Variants in PTPRG observed in about 807,000 individuals in gnomAD.
The protein encoded by PTPRG is protein tyrosine phosphatase receptor type G.
In PTPRG, 102 loss-of-function variants were observed where a neutral mutation model predicts 165.3. That is an observed-to-expected ratio of 0.62 (90% CI 0.53 to 0.73). PTPRG has a LOEUF of 0.73. Among genes scored for constraint, PTPRG ranks in the 30% least tolerant of loss-of-function variants. The pLI, the probability that PTPRG is intolerant of heterozygous loss-of-function variation, is 0.00. For missense variants in PTPRG, 1,866 were observed against 1,861.4 expected (o/e 1.00, Z -0.05); for synonymous variants, 675 against 669.5 (o/e 1.01, Z -0.13).
chr3:61,597,330 A>T (rs938239428), intron 1 of PTPRG, among the ~76,000 whole-genome samples: 4 of 152,122 alleles, frequency 2.6e-5, no homozygotes, highest in African/African-American at 9.7e-5. Context: ...CTCCCTGTGG[A>T]TACCAAAATT....
chr3:61,884,667 A>G (rs2037979030), intron 2 of PTPRG, among the ~76,000 whole-genome samples: 1 of 152,228 alleles, frequency 6.6e-6, no homozygotes, highest in African/African-American at 2.4e-5. Context: ...AAGGTGAAGA[A>G]TGTCCACATA....
chr3:62,159,199 A>G (rs1182123844), intron 7 of PTPRG, among the ~76,000 whole-genome samples: 1 of 151,998 alleles, frequency 6.6e-6, no homozygotes, highest in Non-Finnish European at 1.5e-5. Context: ...GCGTGGTGGC[A>G]CATGTCTGTT....
chr3:61,667,022 A>T (rs1046984417), intron 1 of PTPRG, among the ~76,000 whole-genome samples: 1 of 152,228 alleles, frequency 6.6e-6, no homozygotes, highest in Non-Finnish European at 1.5e-5. Flanking sequence ...ATTTGAATTA[A>T]TAATTTAAAA....
At chr3:61,837,383 T>C (rs13098587) in intron 2 of PTPRG, among the ~76,000 whole-genome samples, 34,823 of 152,084 alleles carry the variant, frequency 0.23, 4,088 homozygotes, top group East Asian at 0.34. Flanking sequence ...ATCTTGACCT[T>C]TTGACAGTTA....
intron 5 of PTPRG, among the ~76,000 whole-genome samples, chr3:62,113,579 A>G (rs964253833): frequency 1.3e-5 from 2 of 152,216 alleles, no homozygotes; most frequent in Non-Finnish European, 1.5e-5. Flanking sequence ...CGAAATGCAG[A>G]TCACTTTTTC....
chr3:61,823,637 T>C (rs561677255), intron 2 of PTPRG, among the ~76,000 whole-genome samples: 1 of 152,334 alleles, frequency 6.6e-6, no homozygotes, highest in Admixed American at 6.5e-5. Context: ...AAGATTATTA[T>C]GGTAATTTAT....
chr3:61,788,046 A>G (rs2034762045), intron 2 of PTPRG, among the ~76,000 whole-genome samples: 1 of 152,158 alleles, frequency 6.6e-6, no homozygotes, highest in East Asian at 1.9e-4. Flanking sequence ...AGTAGCTCCC[A>G]GTTAGAGAGG....
At chr3:61,567,043 A>G (rs1176360803) in intron 1 of PTPRG, among the ~76,000 whole-genome samples, 2 of 152,196 alleles carry the variant, frequency 1.3e-5, no homozygotes, top group East Asian at 1.9e-4. Flanking sequence ...AGTTCCCTCT[A>G]AAGCACTTGG....
intron 6 of PTPRG, among the ~76,000 whole-genome samples, chr3:62,138,554 A>G (rs147688400): frequency 0.012 from 1,765 of 152,142 alleles, 14 homozygotes; most frequent in Middle Eastern, 0.034. Context: ...CTCCATCTCT[A>G]CTAAAAATAC....
intron 1 of PTPRG, among the ~76,000 whole-genome samples, chr3:61,586,669 CAT>C (rs1249427720): frequency 2.6e-5 from 4 of 152,114 alleles, no homozygotes; most frequent in African/African-American, 7.2e-5. Context: ...AAACTGGAAA[CAT>C]AGGGATGGGA....
chr3:62,084,382 T>C (rs1701678178), intron 5 of PTPRG, among the ~76,000 whole-genome samples: 1 of 152,250 alleles, frequency 6.6e-6, no homozygotes, highest in South Asian at 2.1e-4. Context: ...CATTTTTATT[T>C]AAATTCTACC....
chr3:61,990,329 G>A (rs554808212), intron 3 of PTPRG, among the ~76,000 whole-genome samples: 2 of 152,220 alleles, frequency 1.3e-5, no homozygotes, highest in South Asian at 4.1e-4. Context: ...TATGCAAATG[G>A]AAACAGAATT....
chr3:62,065,099 A>T (rs1700967506), intron 4 of PTPRG, among the ~76,000 whole-genome samples: 1 of 152,114 alleles, frequency 6.6e-6, no homozygotes. Flanking sequence ...AGGATCCATA[A>T]ATCCAGTGTT....
intron 17 of PTPRG, among the ~76,000 whole-genome samples, chr3:62,264,831 A>G (rs922800716): frequency 6.6e-6 from 1 of 152,112 alleles, no homozygotes; most frequent in Admixed American, 6.6e-5. Flanking sequence ...GCTAGATTAT[A>G]TGGTAATTCT....
intron 1 of PTPRG, among the ~76,000 whole-genome samples, chr3:61,729,142 C>T (rs1234988959): frequency 6.6e-6 from 1 of 152,070 alleles, no homozygotes; most frequent in Non-Finnish European, 1.5e-5. Flanking sequence ...GAATTAAATA[C>T]AGGAGCAAGG....
chr3:62,289,705 C>A (rs1483053957), intron 28 of PTPRG, among the ~76,000 whole-genome samples: 4 of 140,154 alleles, frequency 2.9e-5, no homozygotes. Context: ...TGATCCCCCC[C>A]CCCCAAAAAA....
chr3:62,293,950 T>TACAAAGTTATATTC lies in PTPRG; in HGVS notation c.*647_*660dup, dbSNP rs1368300591. 1 of 152,566 alleles carries TACAAAGTTATATTC rather than the reference T, an allele frequency of 6.6e-6. No individual in the cohort carries two copies. The highest frequency in any genetic ancestry group is 2.4e-5 in the African/African-American group (1 of 41,442). The allele number at this position is 152,566 out of a possible 1,614,324, so 9.5% of individuals were successfully genotyped here. A position where few individuals can be genotyped will look rare whatever the true frequency, so the allele number is the denominator to read the frequency against. ...CTTCATGTGAACATCCCTTATTAGT[T>TACAAAGTTATATTC]ACAAAGTTATATTCACAGTTTTTTA... On this transcript the variant is annotated 3_prime_UTR_variant, in exon 30 of 30. Coordinates refer to ENST00000474889, the MANE Select transcript of PTPRG (RefSeq NM_002841.4).
intron 2 of PTPRG, among the ~76,000 whole-genome samples, chr3:61,971,616 A>G (rs557418308): frequency 8.5e-5 from 13 of 152,352 alleles, no homozygotes; most frequent in African/African-American, 1.9e-4. Context: ...AACTGTTCCT[A>G]GAAGTTTGAC....
chr3:62,167,835 C>T (rs137867396), intron 7 of PTPRG, 136 bp from the exon 8 acceptor site: 3 of 819,854 alleles, frequency 3.7e-6, no homozygotes, highest in Non-Finnish European at 3.9e-6. Flanking sequence ...GGTTTAGCAG[C>T]CCTGGCATTG....
Sources: gnomAD v4.1 joint callset for allele counts (sites outside exome capture counted in the v4.1 genomes callset) on GRCh38, gnomAD v4.1.1 for gene constraint, MANE v1.5 for transcripts, NCBI Gene and HGNC (gene_info 2026-07-23, HGNC 2026-07-21) for gene names.